Variants in STPG2 observed in about 807,000 individuals in gnomAD.
The protein encoded by STPG2 is sperm tail PG-rich repeat containing 2.
Under a neutral mutation model 54.2 loss-of-function variants are expected in STPG2, and 56 were observed. The observed-to-expected ratio is 1.03, with a 90% CI of 0.83 to 1.29. The LOEUF (loss-of-function observed/expected upper bound fraction) is 1.29, where lower values mean the gene tolerates loss of function less well. Ranked by LOEUF, STPG2 falls within the 50% of genes most tolerant of loss-of-function variation. The probability of loss-of-function intolerance (pLI) is 0.00; values close to 1 mark genes in which losing one functional copy is unlikely to be tolerated. For missense variants in STPG2, 596 were observed against 544.9 expected, an observed-to-expected ratio of 1.09 and a Z score of -0.93; for synonymous variants, 200 against 181.8, an observed-to-expected ratio of 1.10 and a Z score of -0.81.
At chr4:97,734,914 T>C (rs1724924662) in intron 9 of STPG2, among the ~76,000 whole-genome samples, 1 of 151,440 alleles carries the variant, frequency 6.6e-6, no homozygotes, top group Non-Finnish European at 1.5e-5. Flanking sequence ...CTACTAAAAA[T>C]ACAAAAAAAT....
At chr4:97,722,797 AT>A (rs11316033) in intron 9 of STPG2, among the ~76,000 whole-genome samples, 43,375 of 122,192 alleles carry the variant, frequency 0.35, 5,771 homozygotes, top group East Asian at 0.42. Context: ...GTCTCTGCCA[AT>A]TTTTTTTTTT....
chr4:97,623,669 T>A (rs112104502), intron 10 of STPG2, among the ~76,000 whole-genome samples: 1 of 152,260 alleles, frequency 6.6e-6, no homozygotes, highest in African/African-American at 2.4e-5. Flanking sequence ...TACATGTGCA[T>A]GATGTGCAGG....
chr4:97,949,863 G>C (rs2149238624), intron 7 of STPG2, among the ~76,000 whole-genome samples: 1 of 147,686 alleles, frequency 6.8e-6, no homozygotes, highest in South Asian at 2.2e-4. Flanking sequence ...ATATGCCTTT[G>C]TGTTTTGTTT....
chr4:97,607,166 T>C (rs529150981), intron 10 of STPG2, among the ~76,000 whole-genome samples: 3 of 152,040 alleles, frequency 2.0e-5, no homozygotes, highest in Non-Finnish European at 4.4e-5. Context: ...ACTGCAATAA[T>C]AGCAGCAGCC....
At chr4:98,129,517 T>C (rs1224819234) in intron 2 of STPG2, among the ~76,000 whole-genome samples, 5 of 152,090 alleles carry the variant, frequency 3.3e-5, no homozygotes, top group Non-Finnish European at 7.4e-5. Flanking sequence ...GTCACATACA[T>C]ATATAATTTA....
intron 5 of STPG2, among the ~76,000 whole-genome samples, chr4:98,022,288 G>A (rs1324959592): frequency 1.3e-5 from 2 of 150,264 alleles, no homozygotes; most frequent in Non-Finnish European, 3.0e-5. Context: ...GCTTAGTTTG[G>A]CTGGATATGA....
intron 9 of STPG2, among the ~76,000 whole-genome samples, chr4:97,792,803 T>G (rs1375649185): frequency 2.0e-5 from 3 of 152,162 alleles, no homozygotes; most frequent in African/African-American, 7.2e-5. Context: ...CTCTTTGCAG[T>G]GCTTTTTCAT....
At chr4:97,867,966 C>A (rs1357818213) in intron 8 of STPG2, among the ~76,000 whole-genome samples, 1 of 151,856 alleles carries the variant, frequency 6.6e-6, no homozygotes, top group African/African-American at 2.4e-5. Context: ...CCAACCCAAA[C>A]AAAATTAGGG....
intron 4 of STPG2, among the ~76,000 whole-genome samples, chr4:97,495,710 C>CAAAAA (rs35288994): frequency 8.5e-6 from 1 of 117,798 alleles, no homozygotes. Context: ...ATGGTCAAGA[C>CAAAAA]AAAAAAAAAA....
intron 3 of STPG2, among the ~76,000 whole-genome samples, chr4:98,120,246 A>C (rs1177485250): frequency 6.6e-6 from 1 of 151,834 alleles, no homozygotes; most frequent in Non-Finnish European, 1.5e-5. Context: ...ACACCTGGCT[A>C]ATGTTTGTAT....
At chr4:98,128,987 G>A (rs1305265745) in intron 2 of STPG2, among the ~76,000 whole-genome samples, 2 of 152,140 alleles carry the variant, frequency 1.3e-5, no homozygotes, top group African/African-American at 4.8e-5. Flanking sequence ...GCCAGCCTCG[G>A]CCTCCCAAAG....
At chr4:97,748,294 G>A (rs1725481336) in intron 9 of STPG2, among the ~76,000 whole-genome samples, 1 of 151,474 alleles carries the variant, frequency 6.6e-6, no homozygotes, top group African/African-American at 2.4e-5. Flanking sequence ...TCATGTGAAT[G>A]TTACTATTTT....
chr4:98,041,479 G>T (rs10028921), intron 5 of STPG2, among the ~76,000 whole-genome samples: 59,804 of 151,580 alleles, frequency 0.39, 12,018 homozygotes, highest in Middle Eastern at 0.46. Context: ...GTTGCCTATG[G>T]CTTTTATCAT....
intron 4 of STPG2, among the ~76,000 whole-genome samples, chr4:97,547,401 G>A (rs558487167): frequency 8.5e-5 from 13 of 152,064 alleles, no homozygotes; most frequent in African/African-American, 3.1e-4. Context: ...TAGTAGAGAC[G>A]GGGTTTCACC....
intron 6 of STPG2, among the ~76,000 whole-genome samples, chr4:97,973,050 A>G (rs929292686): frequency 6.6e-6 from 1 of 152,206 alleles, no homozygotes; most frequent in African/African-American, 2.4e-5. Flanking sequence ...TGTTGAAGCA[A>G]CTTTGGAACT....
intron 4 of STPG2, among the ~76,000 whole-genome samples, chr4:97,540,320 A>G (rs1731662730): frequency 6.6e-6 from 1 of 152,146 alleles, no homozygotes; most frequent in Non-Finnish European, 1.5e-5. Context: ...AGACATACAA[A>G]CTACCATCAG....
intron 5 of STPG2, chr4:98,026,115 T>C: frequency 2.1e-6 from 3 of 1,461,172 alleles, no homozygotes; most frequent in South Asian, 1.2e-5. Context: ...CATGCTGCTA[T>C]ACGAGAGAAT....
intron 10 of STPG2, among the ~76,000 whole-genome samples, chr4:97,674,113 C>T (rs1057163778): frequency 6.6e-6 from 1 of 152,160 alleles, no homozygotes; most frequent in African/African-American, 2.4e-5. Context: ...CTGATCTTCT[C>T]TACTACTTAC....
intron 8 of STPG2, among the ~76,000 whole-genome samples, chr4:97,860,141 A>G (rs1729471431): frequency 6.6e-6 from 1 of 152,174 alleles, no homozygotes; most frequent in Non-Finnish European, 1.5e-5. Flanking sequence ...CTTGTAGTAT[A>G]ATTTAAAGTT....
Sources: allele counts gnomAD v4.1 joint callset (sites outside exome capture counted in the v4.1 genomes callset), GRCh38; gene constraint gnomAD v4.1.1; transcripts MANE v1.5; gene names NCBI Gene and HGNC (gene_info 2026-07-23, HGNC 2026-07-21).